The following FREM2 variants were observed in gnomAD, a reference collection of about 807,000 sequenced individuals.
The protein encoded by FREM2 is FRAS1-related extracellular matrix protein 2.
FREM2 carries 119 observed loss-of-function variants against 219.9 expected under a neutral mutation model. The ratio of observed to expected loss-of-function variants is 0.54; its 90% CI spans 0.47 to 0.63. FREM2 has a LOEUF of 0.63. Among genes scored for constraint, FREM2 ranks in the 30% least tolerant of loss-of-function variants. The pLI, the probability that FREM2 is intolerant of heterozygous loss-of-function variation, is 0.00. For missense variants in FREM2, 4,030 were observed against 3,993.6 expected (o/e 1.01, Z -0.25); for synonymous variants, 1,562 against 1,522.8 (o/e 1.03, Z -0.60).
At chr13:38,726,762 GC>G (rs1193304511) in intron 2 of FREM2, among the ~76,000 whole-genome samples, 1 of 152,190 alleles carries the variant, frequency 6.6e-6, no homozygotes, top group Admixed American at 6.5e-5. Context: ...CGGTCCTGTT[GC>G]CCAAACTGCT....
rs1233837267 is a variant in FREM2, at chr13:38,859,866, GTT to G, written c.7519+277_7519+278del. The stretch of plus-strand genomic sequence containing the variant: ...CTGCTTTTGAGGAATTCTTGGTCCA[GTT>G]GAAGATGCAGACACATTTTAGTCTA... On this transcript the variant is annotated intron_variant, in intron 14 of 23. Transcript: ENST00000280481. Among the ~76,000 whole-genome samples the G allele has an allele frequency of 6.9e-3, 1,045 of 152,238 alleles. 7 individuals are homozygous for G. The highest frequency in any genetic ancestry group is 0.024 in the African/African-American group (993 of 41,534).
intron 4 of FREM2, among the ~76,000 whole-genome samples, chr13:38,779,166 G>A (rs193117458): frequency 2.2e-4 from 34 of 151,902 alleles, no homozygotes; most frequent in African/African-American, 8.0e-4. Context: ...TCATAAGTGG[G>A]AGTTAGACAA....
chr13:38,826,020 G>C (rs1876269095), intron 6 of FREM2, among the ~76,000 whole-genome samples: 1 of 152,022 alleles, frequency 6.6e-6, no homozygotes, highest in Non-Finnish European at 1.5e-5. Flanking sequence ...ACAGCTTCTT[G>C]GTTACTCTTT....
intron 2 of FREM2, among the ~76,000 whole-genome samples, chr13:38,738,574 A>G (rs1465651006): frequency 6.7e-6 from 1 of 149,676 alleles, no homozygotes; most frequent in African/African-American, 2.5e-5. Context: ...TCAAAAAAAA[A>G]AAAAAAAAAA....
At chr13:38,723,320 C>A (rs1254191413) in intron 2 of FREM2, among the ~76,000 whole-genome samples, 1 of 151,998 alleles carries the variant, frequency 6.6e-6, no homozygotes, top group Non-Finnish European at 1.5e-5. Flanking sequence ...GTTTATTCAT[C>A]TTAAACATGT....
At chr13:38,720,717 G>A (rs554159685) in intron 2 of FREM2, among the ~76,000 whole-genome samples, 2 of 152,234 alleles carry the variant, frequency 1.3e-5, no homozygotes, top group African/African-American at 4.8e-5. Flanking sequence ...AGTACGTTAA[G>A]AGGCAAAATG....
rs555093522 is a variant in FREM2, at chr13:38,851,012, C to A, written c.6646C>A (p.Arg2216Ser). 1 of 1,613,896 alleles carries A rather than the reference C, an allele frequency of 6.2e-7. No individual in the cohort carries two copies. Among genetic ancestry groups the A allele is most frequent in the Admixed American group, 1.7e-5 (1 of 60,008 alleles). ...GCTCTATGAGGAGGTAGAGGAGCTCCGCCTGGTACTCGGCACTCCACAAAG... is the reference window on the plus strand; with the variant it reads ...GCTCTATGAGGAGGTAGAGGAGCTCAGCCTGGTACTCGGCACTCCACAAAG... ...DVLYEEVEEL[R>S]LVLGTPQSNS... Residue 2216 changes from arginine to serine, a missense_variant, in exon 10 of 24, where the codon CGC (arginine) becomes AGC (serine). By Grantham distance (110) the Arg-to-Ser change is moderately radical. Transcript: ENST00000280481.
chr13:38,703,819 G>C (rs9548430), intron 2 of FREM2, among the ~76,000 whole-genome samples: 43,216 of 151,958 alleles, frequency 0.28, 8,081 homozygotes, highest in Non-Finnish European at 0.42. Flanking sequence ...GGGTGACAAT[G>C]AATTCTTGTT....
At chr13:38,857,785 T>C (rs2137918637) in intron 12 of FREM2, 90 bp from the exon 13 acceptor site, 1 of 1,122,762 alleles carries the variant, frequency 8.9e-7, no homozygotes, top group South Asian at 1.2e-5. Context: ...GGCCATGGGG[T>C]TGCCAGGGAT....
At chr13:38,819,643 A>T (rs1230896910) in intron 6 of FREM2, among the ~76,000 whole-genome samples, 2 of 152,154 alleles carry the variant, frequency 1.3e-5, no homozygotes, top group East Asian at 3.9e-4. Flanking sequence ...CTTTGTAGAT[A>T]TCATATATTT....
chr13:38,726,645 G>A (rs909189883), intron 2 of FREM2, among the ~76,000 whole-genome samples: 3 of 152,128 alleles, frequency 2.0e-5, no homozygotes, highest in Non-Finnish European at 4.4e-5. Context: ...GTTGAAAAGT[G>A]CATTCAGGTT....
At chr13:38,811,867 A>G (rs1431075728) in intron 6 of FREM2, among the ~76,000 whole-genome samples, 2 of 152,136 alleles carry the variant, frequency 1.3e-5, no homozygotes, top group African/African-American at 4.8e-5. Flanking sequence ...TGTCTAGAAG[A>G]TCTGTCCAAT....
At chr13:38,696,540 C>T (rs982824557) in intron 1 of FREM2, among the ~76,000 whole-genome samples, 1 of 152,130 alleles carries the variant, frequency 6.6e-6, no homozygotes, top group African/African-American at 2.4e-5. Flanking sequence ...TAGCCATGAT[C>T]TTGACTTTAT....
At chr13:38,730,894 C>T (rs1045277522) in intron 2 of FREM2, among the ~76,000 whole-genome samples, 7 of 148,906 alleles carry the variant, frequency 4.7e-5, no homozygotes, top group Admixed American at 1.3e-4. Flanking sequence ...ACCAAAAGGG[C>T]GATAAAAATT....
At chr13:38,858,849 G>T (rs1877654563) in intron 13 of FREM2, among the ~76,000 whole-genome samples, 1 of 152,062 alleles carries the variant, frequency 6.6e-6, no homozygotes, top group Non-Finnish European at 1.5e-5. Flanking sequence ...CAGTGGACTG[G>T]AAGAAAAGAT....
chr13:38,823,456 T>C (rs1876149289), intron 6 of FREM2, among the ~76,000 whole-genome samples: 1 of 151,970 alleles, frequency 6.6e-6, no homozygotes, highest in Admixed American at 6.6e-5. Context: ...CTGCATGGCC[T>C]GGCCATGGCT....
At chr13:38,835,825 A>G (rs1876685073) in intron 6 of FREM2, among the ~76,000 whole-genome samples, 1 of 152,246 alleles carries the variant, frequency 6.6e-6, no homozygotes, top group Non-Finnish European at 1.5e-5. Flanking sequence ...GTTGCTTATC[A>G]GCATAAGGAG....
chr13:38,807,189 T>TTATA (rs59551341), intron 6 of FREM2, among the ~76,000 whole-genome samples: 991 of 45,188 alleles, frequency 0.022, 17 homozygotes, highest in Middle Eastern at 0.036. Flanking sequence ...CTTGTCTCTG[T>TTATA]TATATATATA....
intron 2 of FREM2, among the ~76,000 whole-genome samples, chr13:38,716,168 G>A (rs1870991710): frequency 6.6e-6 from 1 of 152,096 alleles, no homozygotes; most frequent in Non-Finnish European, 1.5e-5. Flanking sequence ...TTTCTGCATG[G>A]ATCAACTATT....
Sources: gnomAD v4.1 joint callset for allele counts (sites outside exome capture counted in the v4.1 genomes callset) on GRCh38, gnomAD v4.1.1 for gene constraint, MANE v1.5 for transcripts, NCBI Gene and HGNC (gene_info 2026-07-23, HGNC 2026-07-21) for gene names.